Variants in CHD9 observed in about 807,000 individuals in gnomAD.
The protein encoded by CHD9 is chromodomain helicase DNA binding protein 9, also known as ATP-dependent chromatin remodeler CHD9.
CHD9 carries 77 observed loss-of-function variants against 316.1 expected under a neutral mutation model. The observed-to-expected ratio is 0.24, with a 90% CI of 0.20 to 0.29. The LOEUF is 0.29. CHD9 is among the 10% of genes least tolerant of loss of function. CHD9 has a pLI of 1.00. For synonymous variants in CHD9, 1,129 were observed against 1,158.3 expected (o/e 0.97, Z 0.51); for missense variants, 2,763 against 3,438.1 (o/e 0.80, Z 4.91).
At chr16:53,256,575 G>C (rs1310350965) in intron 19 of CHD9, among the ~76,000 whole-genome samples, 1 of 149,268 alleles carries the variant, frequency 6.7e-6, no homozygotes, top group African/African-American at 2.5e-5. Context: ...CACCCGCCTC[G>C]GCCTCCCAAA....
At chr16:53,113,397 C>T (rs896460925) in intron 1 of CHD9, among the ~76,000 whole-genome samples, 23 of 133,234 alleles carry the variant, frequency 1.7e-4, no homozygotes, top group East Asian at 4.5e-4. Flanking sequence ...GATGGAGTCT[C>T]GCTCTCCTGG....
At position 53,295,788 on chromosome 16, in the gene CHD9, T is replaced by C. The variant is rs115667077; in HGVS notation, c.5511-1168T>C. ...ATTTTTCAAAGGCCTGTCCCATATG[T>C]TTTTTCTAATTTACACAATAATCCT... On this transcript the variant is annotated intron_variant, in intron 29 of 38. Coordinates refer to ENST00000447540, the MANE Select transcript of CHD9 (RefSeq NM_001308319.2). Among the ~76,000 whole-genome samples, 1,159 of 152,272 alleles carry C rather than the reference T, an allele frequency of 7.6e-3. 17 individuals carry two copies. Among genetic ancestry groups the C allele is most frequent in the African/African-American group, 0.026 (1,095 of 41,550 alleles).
Position 53,156,966 on chromosome 16 carries a change from C to T in CHD9, c.877C>T (p.Leu293Phe), listed in dbSNP as rs760232739. The T allele has an allele frequency of 6.2e-7, 1 of 1,612,774 alleles. No homozygotes were observed. The change falls in exon 2 of 39, where the codon CTT becomes TTT. Residue 293 changes from leucine (L) to phenylalanine (F), a missense_variant. Leu to Phe is a conservative substitution (Grantham distance 22). Coordinates refer to ENST00000447540, the MANE Select transcript of CHD9 (RefSeq NM_001308319.2). The part of the protein sequence containing the change: ...PNSLLQSSAV[L>F]ASNHTNQTLS... ...CAGTCTACTTCAGTCCTCTGCAGTT[C>T]TTGCATCTAATCATACAAATCAGAC...
chr16:53,130,459 G>A (rs1439954250), intron 1 of CHD9, among the ~76,000 whole-genome samples: 1 of 150,998 alleles, frequency 6.6e-6, no homozygotes, highest in East Asian at 1.9e-4. Flanking sequence ...CCCTGCCGGG[G>A]CCTGACGTGG....
At chr16:53,147,750 T>C (rs1235370676) in intron 1 of CHD9, among the ~76,000 whole-genome samples, 5 of 152,214 alleles carry the variant, frequency 3.3e-5, no homozygotes, top group Admixed American at 1.3e-4. Context: ...ACACTTGGAT[T>C]GTTTCCAGCT....
chr16:53,163,890 T>C (rs2042093335), intron 2 of CHD9, among the ~76,000 whole-genome samples: 1 of 152,254 alleles, frequency 6.6e-6, no homozygotes, highest in East Asian at 1.9e-4. Context: ...ACTTAACATA[T>C]GTTATCACAT....
intron 1 of CHD9, among the ~76,000 whole-genome samples, chr16:53,102,162 C>G (rs757126484): frequency 1.3e-5 from 2 of 152,178 alleles, no homozygotes; most frequent in Non-Finnish European, 2.9e-5. Context: ...CTAGTCCTGG[C>G]TGGTCTTCAC....
chr16:53,262,692 C>T lies in CHD9; in HGVS notation c.4210-295C>T, dbSNP rs575090714. Among the ~76,000 whole-genome samples, 4 of 152,170 alleles carry T rather than the reference C, an allele frequency of 2.6e-5. No individual in the cohort carries two copies. The East Asian group carries it at 7.7e-4, about 29-fold the overall frequency. On this transcript the variant is annotated intron_variant, in intron 19 of 38. Coordinates refer to ENST00000447540, the MANE Select transcript of CHD9 (RefSeq NM_001308319.2). The stretch of plus-strand genomic sequence containing the variant: ...AATGGTCTTGTAATGTTTTTAGAAA[C>T]CATACCCCCATTCTCTGTAGCCTCC...
intron 1 of CHD9, among the ~76,000 whole-genome samples, chr16:53,127,345 A>G (rs1048462587): frequency 1.3e-5 from 2 of 152,234 alleles, no homozygotes; most frequent in Non-Finnish European, 2.9e-5. Context: ...AACTTGCAGG[A>G]AAACTCCACA....
At chr16:53,115,312 TC>T (rs1435635403) in intron 1 of CHD9, among the ~76,000 whole-genome samples, 2 of 152,216 alleles carry the variant, frequency 1.3e-5, no homozygotes, top group Non-Finnish European at 2.9e-5. Flanking sequence ...GCAGTACTTT[TC>T]CATGTTGGTT....
chr16:53,273,550 C>T, intron 22 of CHD9, 76 bp from the exon 23 acceptor site: 2 of 1,117,496 alleles, frequency 1.8e-6, no homozygotes, highest in Non-Finnish European at 2.5e-6. Context: ...CCAGAAATTT[C>T]TTGCATTGAA....
intron 1 of CHD9, among the ~76,000 whole-genome samples, chr16:53,077,867 G>A (rs1021131299): frequency 6.6e-6 from 1 of 152,138 alleles, no homozygotes; most frequent in Non-Finnish European, 1.5e-5. Flanking sequence ...TGAGGTCAGA[G>A]TTCAAGATCA....
chr16:53,195,775 T>G (rs2044860287), intron 2 of CHD9, among the ~76,000 whole-genome samples: 1 of 151,444 alleles, frequency 6.6e-6, no homozygotes. Flanking sequence ...TTTTTTTTTT[T>G]TTTTTGAGAT....
Position 53,062,459 on chromosome 16 carries a change from A to G in CHD9, c.-165+7382A>G, listed in dbSNP as rs1219253286. Among the ~76,000 whole-genome samples, 3 of 152,222 alleles carry G rather than the reference A, an allele frequency of 2.0e-5. No homozygotes were observed. In the East Asian group the frequency reaches 5.8e-4, roughly 29 times the overall value. ...GTATGAGGATAGAATAAAATATAAT[A>G]GGCCAGGTGCAGTGGCTCATGCCTG... is the stretch of plus-strand genomic sequence containing the variant. On this transcript the variant is annotated intron_variant, in intron 1 of 38. Coordinates refer to ENST00000447540, the MANE Select transcript of CHD9 (RefSeq NM_001308319.2).
At chr16:53,199,428 C>T (rs141559915) in intron 2 of CHD9, among the ~76,000 whole-genome samples, 79 of 152,004 alleles carry the variant, frequency 5.2e-4, no homozygotes, top group East Asian at 2.1e-3. Flanking sequence ...AAAAATTTCA[C>T]CTTTTGTTTT....
At chr16:53,288,053 G>T in intron 27 of CHD9, 39 bp downstream of exon 27, 3 of 1,436,258 alleles carry the variant, frequency 2.1e-6, no homozygotes, top group Non-Finnish European at 2.9e-6. Context: ...TCAATTTTAG[G>T]TATTCTTTGG....
chr16:53,068,681 T>G (rs1470475618), intron 1 of CHD9, among the ~76,000 whole-genome samples: 1 of 152,186 alleles, frequency 6.6e-6, no homozygotes, highest in Non-Finnish European at 1.5e-5. Context: ...CAAGGTGCAC[T>G]GTCCTCTCCC....
intron 24 of CHD9, among the ~76,000 whole-genome samples, chr16:53,274,646 C>A (rs535316847): frequency 6.6e-6 from 1 of 151,906 alleles, no homozygotes; most frequent in South Asian, 2.1e-4. Context: ...TTAGTAGAGA[C>A]GGGGTTTCAC....
At chr16:53,093,145 A>G (rs571239707) in intron 1 of CHD9, among the ~76,000 whole-genome samples, 89 of 152,232 alleles carry the variant, frequency 5.8e-4, no homozygotes, top group African/African-American at 2.0e-3. Flanking sequence ...GACTCTCATC[A>G]TTGCCTCTCA....
Sources: allele counts gnomAD v4.1 joint callset (sites outside exome capture counted in the v4.1 genomes callset), GRCh38; gene constraint gnomAD v4.1.1; transcripts MANE v1.5; gene names NCBI Gene and HGNC (gene_info 2026-07-23, HGNC 2026-07-21).